The following TRMT10A variants were observed in gnomAD, a reference collection of about 807,000 sequenced individuals.
The protein encoded by TRMT10A is tRNA methyltransferase 10A, also known as tRNA methyltransferase 10 homolog A.
TRMT10A carries 37 observed loss-of-function variants against 40.4 expected under a neutral mutation model. That is an observed-to-expected ratio of 0.92 (90% CI 0.71 to 1.21). The LOEUF is 1.21. Among genes scored for constraint, TRMT10A ranks in the 50% most tolerant of loss-of-function variants. The pLI is 0.00. For synonymous variants in TRMT10A, 103 were observed against 134.1 expected (o/e 0.77, Z 1.60); for missense variants, 388 against 404.3 (o/e 0.96, Z 0.35).
At chr4:99,558,608 TA>T (rs888234653) in intron 2 of TRMT10A, among the ~76,000 whole-genome samples, 11 of 152,098 alleles carry the variant, frequency 7.2e-5, no homozygotes, top group Non-Finnish European at 7.4e-5. Context: ...AATTGTTCAT[TA>T]AAAAAATTAC....
chr4:99,551,310 C>A (rs1232918038), intron 6 of TRMT10A, among the ~76,000 whole-genome samples: 1 of 152,156 alleles, frequency 6.6e-6, no homozygotes, highest in Admixed American at 6.6e-5. Flanking sequence ...TATCTCCTAA[C>A]TCAAATATCT....
intron 1 of TRMT10A, among the ~76,000 whole-genome samples, chr4:99,561,866 A>G (rs910232745): frequency 6.6e-6 from 1 of 152,132 alleles, no homozygotes; most frequent in Non-Finnish European, 1.5e-5. Flanking sequence ...TCAAGAACGT[A>G]TTTTACAGTA....
intron 3 of TRMT10A, 61 bp from the exon 4 acceptor site, chr4:99,557,477 T>G: frequency 6.9e-7 from 1 of 1,458,294 alleles, no homozygotes; most frequent in South Asian, 1.2e-5. Context: ...CATTCTATGA[T>G]CTTAAAGGAA....
At chr4:99,553,679 G>T in intron 6 of TRMT10A, 106 bp downstream of exon 6, 2 of 1,084,622 alleles carry the variant, frequency 1.8e-6, no homozygotes, top group Non-Finnish European at 2.6e-6. Context: ...CATATAGTAG[G>T]CACTCAATAA....
At chr4:99,553,500 A>G (rs1021280109) in intron 6 of TRMT10A, among the ~76,000 whole-genome samples, 2 of 152,330 alleles carry the variant, frequency 1.3e-5, no homozygotes, top group Non-Finnish European at 2.9e-5. Flanking sequence ...CCTGGTTTCA[A>G]ATAGCTGCTT....
At position 99,549,031 on chromosome 4, in the gene TRMT10A, A is replaced by G; in HGVS notation, c.*57T>C. The G allele has an allele frequency of 1.9e-6, 3 of 1,570,634 alleles. No individual in the cohort carries two copies. Among genetic ancestry groups the G allele is most frequent in the Non-Finnish European group, 2.6e-6 (3 of 1,148,776 alleles). ...AATGTTCTTCCAATTTCAATATTCTATATAGCACCTCACTTTCTCCTAATT... is the reference window on the plus strand; with the variant it reads ...AATGTTCTTCCAATTTCAATATTCTGTATAGCACCTCACTTTCTCCTAATT... On this transcript the variant is annotated 3_prime_UTR_variant, in exon 8 of 8. Coordinates refer to ENST00000394876, the MANE Select transcript of TRMT10A (RefSeq NM_001134665.3).
Position 99,548,945 on chromosome 4 carries a change from T to C in TRMT10A, c.*143A>G, listed in dbSNP as rs186120618. The C allele has an allele frequency of 1.4e-6, 1 of 734,062 alleles. No homozygotes were observed. Among genetic ancestry groups the C allele is most frequent in the African/African-American group, 1.8e-5 (1 of 54,738 alleles). 45.5% of individuals were successfully genotyped at this position (734,062 alleles called of 1,614,324 possible). A position where few individuals can be genotyped will look rare whatever the true frequency, so the allele number is the denominator to read the frequency against. On this transcript the variant is annotated 3_prime_UTR_variant, in exon 8 of 8. Transcript: ENST00000394876. Reference sequence around the variant, plus strand: ...ACAAAGTTTAAAGGGCTTTTTTTTTTATTATTATTTAGGTCCAAAAAAAAG... The same window carrying C: ...ACAAAGTTTAAAGGGCTTTTTTTTTCATTATTATTTAGGTCCAAAAAAAAG...
chr4:99,560,034 A>C (rs72681983), intron 1 of TRMT10A, among the ~76,000 whole-genome samples: 2,919 of 152,176 alleles, frequency 0.019, 52 homozygotes, highest in Non-Finnish European at 0.029. Flanking sequence ...AATAAAACAA[A>C]AAATTTTAAA....
intron 2 of TRMT10A, among the ~76,000 whole-genome samples, chr4:99,558,522 T>C (rs978771774): frequency 1.3e-5 from 2 of 152,130 alleles, no homozygotes; most frequent in African/African-American, 4.8e-5. Context: ...GTTTGAGTTA[T>C]GACGAATTTT....
rs565899506 is a variant in TRMT10A, at chr4:99,563,995, C to T, written c.-106G>A. ...CCTGGTTACGGCTCACGCTTCCTTC[C>T]ACAGAAACTTCAATTCCCAGAGGCA... On this transcript the variant is annotated 5_prime_UTR_variant, in exon 1 of 8. Coordinates refer to ENST00000394876, the MANE Select transcript of TRMT10A (RefSeq NM_001134665.3). 2.4e-5 allele frequency: 34 copies of T among 1,436,618 alleles called. No homozygotes were observed. The highest frequency in any genetic ancestry group is 3.1e-5 in the Non-Finnish European group (33 of 1,057,966). 89.0% of individuals were successfully genotyped at this position (1,436,618 alleles called of 1,614,324 possible).
Position 99,548,272 on chromosome 4 carries a change from C to A in TRMT10A, c.*816G>T, listed in dbSNP as rs1723813585. The A allele has an allele frequency of 7.1e-6, 1 of 141,760 alleles. No individual in the cohort carries two copies. Among genetic ancestry groups the A allele is most frequent in the South Asian group, 2.4e-4 (1 of 4,220 alleles). The allele number at this position is 141,760 out of a possible 1,614,324, so 8.8% of individuals were successfully genotyped here. A position where few individuals can be genotyped will look rare whatever the true frequency, so the allele number is the denominator to read the frequency against. ...CTATAAACTTTATTCATCTTAAGAGCCAACAAATTTAAAAAAAATATGGAA... is the reference window on the plus strand; with the variant it reads ...CTATAAACTTTATTCATCTTAAGAGACAACAAATTTAAAAAAAATATGGAA... On this transcript the variant is annotated 3_prime_UTR_variant, in exon 8 of 8. Coordinates refer to ENST00000394876, the MANE Select transcript of TRMT10A (RefSeq NM_001134665.3).
Position 99,563,937 on chromosome 4 carries a change from T to G in TRMT10A, c.-48A>C. 3 of 877,134 alleles carry G rather than the reference T, an allele frequency of 3.4e-6. No homozygotes were observed. Among genetic ancestry groups the G allele is most frequent in the Non-Finnish European group, 5.5e-6 (3 of 546,524 alleles). 54.3% of individuals were successfully genotyped at this position (877,134 alleles called of 1,614,324 possible). On this transcript the variant is annotated 5_prime_UTR_variant, in exon 1 of 8. Transcript: ENST00000394876. ...CCGAGCTGAAGAGTTGACAGGGAAGTGAAATCTCAGAAAGAAAGCCTTTCT... is the reference window on the plus strand; with the variant it reads ...CCGAGCTGAAGAGTTGACAGGGAAGGGAAATCTCAGAAAGAAAGCCTTTCT...
chr4:99,560,895 CAGTT>C (rs1560604484), intron 1 of TRMT10A, among the ~76,000 whole-genome samples: 1 of 151,800 alleles, frequency 6.6e-6, no homozygotes, highest in Non-Finnish European at 1.5e-5. Flanking sequence ...GCATCATTTT[CAGTT>C]AGTTCTCTAT....
In TRMT10A at chr4:99,558,076, A is replaced by G; in HGVS notation, c.321T>C (p.Cys107=). The change falls in exon 3 of 8, where the codon TGT becomes TGC. Residue 107 remains cysteine (C), a synonymous_variant. Coordinates refer to ENST00000394876, the MANE Select transcript of TRMT10A (RefSeq NM_001134665.3). ...TTAATACCATCAAGTGATCAAAACT[A>G]CAGTCAATAATAAGGCGAAGGGTGC... is the stretch of plus-strand genomic sequence containing the variant. ...VHSTLRLIID[C]SFDHLMVLKD... 1 of 1,604,084 alleles carries G rather than the reference A, an allele frequency of 6.2e-7. No homozygotes were observed. The highest frequency in any genetic ancestry group is 8.5e-7 in the Non-Finnish European group (1 of 1,177,048).
At chr4:99,558,006 C>A (rs766753186) in intron 3 of TRMT10A, 43 bp downstream of exon 3, 1 of 1,497,090 alleles carries the variant, frequency 6.7e-7, no homozygotes, top group Non-Finnish European at 8.9e-7. Context: ...AATGATTCGA[C>A]CTAATTCACA....
intron 1 of TRMT10A, among the ~76,000 whole-genome samples, chr4:99,561,819 G>C (rs1319099063): frequency 6.6e-6 from 1 of 152,148 alleles, no homozygotes; most frequent in Non-Finnish European, 1.5e-5. Flanking sequence ...GATGCTCACA[G>C]TACATTTTCA....
At chr4:99,553,092 C>A (rs1724026180) in intron 6 of TRMT10A, among the ~76,000 whole-genome samples, 1 of 151,916 alleles carries the variant, frequency 6.6e-6, no homozygotes, top group African/African-American at 2.4e-5. Context: ...TGCAACTGTC[C>A]AATTGGTAGC....
intron 3 of TRMT10A, 32 bp downstream of exon 3, chr4:99,558,017 T>C: frequency 6.6e-7 from 1 of 1,518,036 alleles, no homozygotes. Context: ...CTAATTCACA[T>C]ACAAGATTTT....
intron 2 of TRMT10A, among the ~76,000 whole-genome samples, 199 bp downstream of exon 2, chr4:99,558,955 G>T (rs1328457109): frequency 6.6e-6 from 1 of 152,122 alleles, no homozygotes; most frequent in Non-Finnish European, 1.5e-5. Context: ...AGTTTTAACA[G>T]CCAGTTGACA....
Sources: gnomAD v4.1 joint callset for allele counts (sites outside exome capture counted in the v4.1 genomes callset) on GRCh38, gnomAD v4.1.1 for gene constraint, MANE v1.5 for transcripts, NCBI Gene and HGNC (gene_info 2026-07-23, HGNC 2026-07-21) for gene names.